The following ARHGAP15 variants were observed in gnomAD, a reference collection of about 807,000 sequenced individuals.
ARHGAP15 encodes rho GTPase-activating protein 15.
Under a neutral mutation model 63.7 loss-of-function variants are expected in ARHGAP15, and 51 were observed. The ratio of observed to expected loss-of-function variants is 0.80; its 90% CI spans 0.64 to 1.01. ARHGAP15 has a LOEUF of 1.01. Among genes scored for constraint, ARHGAP15 ranks in the 50% least tolerant of loss-of-function variants. ARHGAP15 has a pLI of 0.00. For missense variants in ARHGAP15, 560 were observed against 564.6 expected (o/e 0.99, Z 0.08); for synonymous variants, 191 against 193.8 (o/e 0.99, Z 0.12).
chr2:143,734,478 A>G (rs1685667754), intron 13 of ARHGAP15, among the ~76,000 whole-genome samples: 2 of 152,238 alleles, frequency 1.3e-5, no homozygotes, highest in South Asian at 4.1e-4. Context: ...ATGTTCTCAT[A>G]AATCCCCCTT....
chr2:143,431,431 C>A (rs1689384981), intron 6 of ARHGAP15, among the ~76,000 whole-genome samples: 1 of 152,016 alleles, frequency 6.6e-6, no homozygotes, highest in Admixed American at 6.6e-5. Context: ...TTATTATGTG[C>A]TTTGAGATCA....
chr2:143,445,068 C>T (rs773207571), intron 8 of ARHGAP15, among the ~76,000 whole-genome samples: 22 of 150,776 alleles, frequency 1.5e-4, no homozygotes, highest in Non-Finnish European at 2.9e-4. Context: ...TAGGAAATGC[C>T]ATAACCAAGT....
chr2:143,248,449 G>A (rs919914979), intron 5 of ARHGAP15, among the ~76,000 whole-genome samples: 1 of 152,296 alleles, frequency 6.6e-6, no homozygotes, highest in East Asian at 1.9e-4. Context: ...TGATCACAGT[G>A]TCTATTCAAT....
chr2:143,407,163 T>C (rs1688232548), intron 6 of ARHGAP15, among the ~76,000 whole-genome samples: 1 of 151,972 alleles, frequency 6.6e-6, no homozygotes, highest in Non-Finnish European at 1.5e-5. Flanking sequence ...TTATAACATT[T>C]CAGGAGTATA....
chr2:143,480,292 T>C (rs1352815005), intron 8 of ARHGAP15, among the ~76,000 whole-genome samples: 3 of 152,216 alleles, frequency 2.0e-5, no homozygotes, highest in Non-Finnish European at 4.4e-5. Flanking sequence ...ACGCCAGCTG[T>C]TCACTGATAT....
chr2:143,213,168 T>C (rs1434531023), intron 3 of ARHGAP15, among the ~76,000 whole-genome samples: 1 of 152,190 alleles, frequency 6.6e-6, no homozygotes, highest in Non-Finnish European at 1.5e-5. Flanking sequence ...AGAAGTGTTA[T>C]TAATTAAAAA....
At chr2:143,278,939 G>T (rs1013123628) in intron 6 of ARHGAP15, among the ~76,000 whole-genome samples, 3 of 150,532 alleles carry the variant, frequency 2.0e-5, no homozygotes, top group Non-Finnish European at 4.4e-5. Context: ...TACATTGTAG[G>T]TGCTGTTTTT....
At chr2:143,486,322 G>A (rs1692320873) in intron 8 of ARHGAP15, among the ~76,000 whole-genome samples, 1 of 151,724 alleles carries the variant, frequency 6.6e-6, no homozygotes, top group Non-Finnish European at 1.5e-5. Flanking sequence ...TGTAATCCTG[G>A]CACTTTGGGA....
chr2:143,317,670 A>T (rs1683781892), intron 6 of ARHGAP15, among the ~76,000 whole-genome samples: 1 of 152,138 alleles, frequency 6.6e-6, no homozygotes, highest in Non-Finnish European at 1.5e-5. Flanking sequence ...AAACTGAGGA[A>T]TTTGTACTGT....
At chr2:143,585,001 A>G (rs944092345) in intron 11 of ARHGAP15, among the ~76,000 whole-genome samples, 2 of 152,210 alleles carry the variant, frequency 1.3e-5, no homozygotes, top group Non-Finnish European at 2.9e-5. Flanking sequence ...TTCTAAACAT[A>G]CTGATAAAGA....
chr2:143,287,812 A>T (rs1682183170), intron 6 of ARHGAP15, among the ~76,000 whole-genome samples: 2 of 152,104 alleles, frequency 1.3e-5, no homozygotes, highest in African/African-American at 4.8e-5. Flanking sequence ...CCAAAAAAAG[A>T]AAAAGAAAAA....
intron 8 of ARHGAP15, among the ~76,000 whole-genome samples, chr2:143,472,586 A>C (rs1259732374): frequency 1.3e-5 from 2 of 152,182 alleles, no homozygotes; most frequent in African/African-American, 4.8e-5. Flanking sequence ...CTTTCTGTTT[A>C]GACGCATCAG....
chr2:143,686,200 A>AGTT (rs1683331417), intron 12 of ARHGAP15, among the ~76,000 whole-genome samples: 1 of 151,900 alleles, frequency 6.6e-6, no homozygotes, highest in African/African-American at 2.4e-5. Context: ...CGAGGTCAGG[A>AGTT]GTTTGAGACC....
At chr2:143,359,426 C>T (rs544686922) in intron 6 of ARHGAP15, among the ~76,000 whole-genome samples, 1 of 152,246 alleles carries the variant, frequency 6.6e-6, no homozygotes, top group Non-Finnish European at 1.5e-5. Flanking sequence ...TTTTCTATTG[C>T]CTCTTTTTTT....
At chr2:143,366,106 TTCCTTC>T (rs1207351157) in intron 6 of ARHGAP15, among the ~76,000 whole-genome samples, 2 of 152,212 alleles carry the variant, frequency 1.3e-5, no homozygotes, top group African/African-American at 2.4e-5. Flanking sequence ...AATCGTAGTT[TTCCTTC>T]TCTGCCTTGG....
intron 13 of ARHGAP15, among the ~76,000 whole-genome samples, chr2:143,763,057 A>G (rs1686817204): frequency 6.6e-6 from 1 of 152,068 alleles, no homozygotes; most frequent in Admixed American, 6.6e-5. Context: ...CCAGCAGCCT[A>G]TATTTCTTTT....
chr2:143,139,587 G>T (rs114595508), intron 1 of ARHGAP15, among the ~76,000 whole-genome samples: 1 of 151,966 alleles, frequency 6.6e-6, no homozygotes, highest in South Asian at 2.1e-4. Context: ...TTTAAAAGTC[G>T]TTTTGCATAT....
chr2:143,299,385 C>T lies in ARHGAP15; in HGVS notation c.474+48785C>T. On this transcript the variant is annotated intron_variant, in intron 6 of 13. Transcript: ENST00000295095. ...AGCCAACATTTTGGATGGAAATCCT[C>T]TAAATATTTACCACACTTTCTCATA... 1.3e-5 allele frequency among the ~76,000 whole-genome samples: 2 copies of T among 151,900 alleles called. 1 individual carries two copies. Among genetic ancestry groups the T allele is most frequent in the Non-Finnish European group, 2.9e-5 (2 of 67,930 alleles).
chr2:143,467,112 T>C (rs555726375), intron 8 of ARHGAP15, among the ~76,000 whole-genome samples: 1 of 152,184 alleles, frequency 6.6e-6, no homozygotes, highest in Non-Finnish European at 1.5e-5. Context: ...GCTATACTCT[T>C]AAGCATAGTT....
Sources: gnomAD v4.1 joint callset for allele counts (sites outside exome capture counted in the v4.1 genomes callset) on GRCh38, gnomAD v4.1.1 for gene constraint, MANE v1.5 for transcripts, NCBI Gene and HGNC (gene_info 2026-07-23, HGNC 2026-07-21) for gene names.